The following STON1 variants were observed in gnomAD, a reference collection of about 807,000 sequenced individuals.
STON1 encodes stonin-1.
A neutral mutation model predicts 60.9 loss-of-function variants in STON1; 79 were observed. That is an observed-to-expected ratio of 1.30 (90% CI 1.08 to 1.56). The LOEUF (loss-of-function observed/expected upper bound fraction) is 1.56. Ranked by LOEUF, STON1 falls within the 40% of genes most tolerant of loss-of-function variation. STON1 has a pLI of 0.00. For synonymous variants in STON1, 363 were observed against 306.9 expected (o/e 1.18, Z -1.91); for missense variants, 1,166 against 858.9 (o/e 1.36, Z -4.47).
rs1673904785 is a variant in STON1 at position 48,581,838 on chromosome 2, C to G, written c.1205C>G (p.Ala402Gly). 6 of 1,614,174 alleles carry G rather than the reference C, an allele frequency of 3.7e-6. No homozygotes were observed. The highest frequency in any genetic ancestry group is 2.7e-5 in the African/African-American group (2 of 75,038). ...TVEEELMKLP[A>G]VSKPKKNYEE... ...GAGGAGGAGCTGATGAAGTTGCCAG[C>G]TGTTTCAAAACCAAAAAAGAACTAC... The change falls in exon 2 of 4, where the codon GCT (alanine) becomes GGT (glycine). Residue 402 changes from alanine (A) to glycine (G), a missense_variant. By Grantham distance (60) the Ala-to-Gly change is moderately conservative (BLOSUM62 0). Transcript: ENST00000404752.
intron 1 of STON1, among the ~76,000 whole-genome samples, chr2:48,557,489 G>A (rs1672429059): frequency 9.4e-6 from 1 of 106,696 alleles, no homozygotes; most frequent in South Asian, 3.6e-4. Context: ...CATCCCAGAC[G>A]ATGGGCGGCC....
intron 1 of STON1, among the ~76,000 whole-genome samples, chr2:48,544,024 AT>A (rs1301319211): frequency 1.3e-5 from 2 of 152,118 alleles, no homozygotes; most frequent in African/African-American, 4.8e-5. Context: ...TTTTTTGAGA[AT>A]TTTACAAGAC....
At chr2:48,590,224 C>T (rs887544118) in intron 2 of STON1, among the ~76,000 whole-genome samples, 2 of 152,150 alleles carry the variant, frequency 1.3e-5, no homozygotes, top group Non-Finnish European at 2.9e-5. Flanking sequence ...ACCTCAGAGG[C>T]CACTGTTGTC....
At chr2:48,594,427 T>C (rs1674688055) in intron 3 of STON1, among the ~76,000 whole-genome samples, 1 of 152,164 alleles carries the variant, frequency 6.6e-6, no homozygotes, top group Non-Finnish European at 1.5e-5. Flanking sequence ...TTTCAAAATG[T>C]TTTCTTCCAT....
intron 1 of STON1, among the ~76,000 whole-genome samples, chr2:48,561,969 T>C (rs1280275627): frequency 6.6e-6 from 1 of 152,216 alleles, no homozygotes; most frequent in Non-Finnish European, 1.5e-5. Flanking sequence ...CAAGTGATTC[T>C]CGTGCCTCAG....
rs779944891 is a variant in STON1, at chr2:48,591,729, A to G, written c.2007A>G (p.Pro669=). 7 of 1,614,114 alleles carry G rather than the reference A, an allele frequency of 4.3e-6. No homozygotes were observed. Among genetic ancestry groups the G allele is most frequent in the African/African-American group, 1.3e-5 (1 of 75,032 alleles). ...AAGAAATTCCCTCTGATTGGTATCC[A>G]TTTGCTACTGTTCAGTTTTCCGTGC... ...SDQEIPSDWY[P]FATVQFSVPD... is the part of the protein sequence containing the mutation. Residue 669 remains proline, a synonymous_variant, in exon 3 of 4, where the codon CCA becomes CCG. Transcript: ENST00000404752.
At position 48,582,220 on chromosome 2, in the gene STON1, C is replaced by T; in HGVS notation, c.1587C>T (p.Ser529=). Residue 529 remains serine, a synonymous_variant, in exon 2 of 4, where the codon TCC becomes TCT. Transcript: ENST00000404752. ...TLYNGDNLPF[S]LKSVVVVQGA... ...ATAATGGGGATAATCTTCCCTTTTCCTTGAAGTCTGTAGTGGTTGTCCAGG... is the reference window on the plus strand; with the variant it reads ...ATAATGGGGATAATCTTCCCTTTTCTTTGAAGTCTGTAGTGGTTGTCCAGG... 3 of 1,614,192 alleles carry T rather than the reference C, an allele frequency of 1.9e-6. No individual in the cohort carries two copies. The highest frequency in any genetic ancestry group is 1.3e-5 in the African/African-American group (1 of 75,038).
intron 2 of STON1, among the ~76,000 whole-genome samples, chr2:48,584,513 C>A (rs944480243): frequency 2.6e-5 from 4 of 152,130 alleles, no homozygotes; most frequent in African/African-American, 9.7e-5. Context: ...AGTGATCCAC[C>A]CGCCTTGGCC....
At chr2:48,545,967 C>G (rs983805893) in intron 1 of STON1, among the ~76,000 whole-genome samples, 1 of 152,282 alleles carries the variant, frequency 6.6e-6, no homozygotes, top group South Asian at 2.1e-4. Flanking sequence ...GGGAAATTTC[C>G]CCATGCTGTG....
Position 48,582,492 on chromosome 2 carries a change from G to T in STON1, c.1859G>T (p.Gly620Val). 5 of 1,614,114 alleles carry T rather than the reference G, an allele frequency of 3.1e-6. No individual in the cohort carries two copies. The highest frequency in any genetic ancestry group is 4.2e-6 in the Non-Finnish European group (5 of 1,180,010). Residue 620 changes from glycine (G) to valine (V), a missense_variant, in exon 2 of 4, where the codon GGG (glycine) becomes GTG (valine). Physicochemically the swap from Gly to Val is moderately radical, Grantham distance 109. Coordinates refer to ENST00000404752, the MANE Select transcript of STON1 (RefSeq NM_006873.4). ...GAACCTGTCATTCAAGTCACTGTGGGGTCAGCAAAATATGAGAGTGCCTAC... is the reference window on the plus strand; with the variant it reads ...GAACCTGTCATTCAAGTCACTGTGGTGTCAGCAAAATATGAGAGTGCCTAC... ...ESEPVIQVTV[G>V]SAKYESAYQA...
chr2:48,557,095 G>A (rs1341710634), intron 1 of STON1, among the ~76,000 whole-genome samples: 9 of 102,550 alleles, frequency 8.8e-5, no homozygotes, highest in African/African-American at 1.4e-4. Context: ...CCTCCCTCCC[G>A]GACGGGGTGG....
At chr2:48,592,618 A>T (rs1159452162) in intron 3 of STON1, among the ~76,000 whole-genome samples, 1 of 147,414 alleles carries the variant, frequency 6.8e-6, no homozygotes, top group Non-Finnish European at 1.5e-5. Context: ...TATTATTATT[A>T]TTATTATTAT....
At chr2:48,554,449 C>G (rs2103800008) in intron 1 of STON1, among the ~76,000 whole-genome samples, 1 of 152,238 alleles carries the variant, frequency 6.6e-6, no homozygotes, top group East Asian at 1.9e-4. Flanking sequence ...TTTCGAACTC[C>G]TGACCTCAGG....
At chr2:48,586,711 C>T (rs988733200) in intron 2 of STON1, among the ~76,000 whole-genome samples, 5 of 4,060 alleles carry the variant, frequency 1.2e-3, no homozygotes, top group African/African-American at 8.7e-3. Flanking sequence ...AACAGGGCCT[C>T]GGGGTTGTTT....
At position 48,581,269 on chromosome 2, in the gene STON1, G is replaced by A; in HGVS notation, c.636G>A (p.Lys212=). The A allele has an allele frequency of 6.6e-7, 1 of 1,518,730 alleles. No individual in the cohort carries two copies. The highest frequency in any genetic ancestry group is 8.8e-7 in the Non-Finnish European group (1 of 1,137,828). The allele number at this position is 1,518,730 out of a possible 1,614,324, so 94.1% of individuals were successfully genotyped here. A position where few individuals can be genotyped will look rare whatever the true frequency, so the allele number is the denominator to read the frequency against. ...GSKKMFSSRN[K]EMPIDQKSLN... ...AAAAGATGTTCTCATCAAGAAACAA[G>A]GAGATGCCTATTGACCAAAAAAGCC... Residue 212 remains lysine (K), a synonymous_variant, in exon 2 of 4, where the codon AAG becomes AAA. Transcript: ENST00000404752.
chr2:48,543,074 A>G (rs1306569299), intron 1 of STON1, among the ~76,000 whole-genome samples: 1 of 146,714 alleles, frequency 6.8e-6, no homozygotes, highest in Admixed American at 7.0e-5. Context: ...TCCTGGGTTT[A>G]AGCGATTCTC....
At chr2:48,552,999 G>C (rs1288237173) in intron 1 of STON1, among the ~76,000 whole-genome samples, 2 of 152,138 alleles carry the variant, frequency 1.3e-5, no homozygotes, top group Non-Finnish European at 2.9e-5. Flanking sequence ...TGGTGCCTTG[G>C]AGTGGCTGCT....
At position 48,591,678 on chromosome 2, in the gene STON1, A is replaced by G. The variant is rs1173009776; in HGVS notation, c.1956A>G (p.Ser652=). 6.2e-6 allele frequency: 10 copies of G among 1,613,934 alleles called. No homozygotes were observed. In the Middle Eastern group the frequency reaches 8.3e-4, roughly 134 times the overall value. The change falls in exon 3 of 4, where the codon TCA becomes TCG. Residue 652 remains serine, a synonymous_variant. Coordinates refer to ENST00000404752, the MANE Select transcript of STON1 (RefSeq NM_006873.4). ...NSSLDHPHCL[S]YKLELGSDQE... ...GTCTAGATCATCCCCATTGTCTGTC[A>G]TACAAATTAGAGCTTGGATCAGACC...
At chr2:48,545,740 C>G (rs992618199) in intron 1 of STON1, among the ~76,000 whole-genome samples, 1 of 152,228 alleles carries the variant, frequency 6.6e-6, no homozygotes, top group Non-Finnish European at 1.5e-5. Context: ...CTCAGTCCTT[C>G]CCAGCACTGA....
Sources: allele counts gnomAD v4.1 joint callset (sites outside exome capture counted in the v4.1 genomes callset), GRCh38; gene constraint gnomAD v4.1.1; transcripts MANE v1.5; gene names NCBI Gene and HGNC (gene_info 2026-07-23, HGNC 2026-07-21).